The following PSMA1 variants were observed in gnomAD, a reference collection of about 807,000 sequenced individuals.
PSMA1 encodes the protein proteasome subunit alpha type-1.
PSMA1 carries 3 observed loss-of-function variants against 38.4 expected under a neutral mutation model. The ratio of observed to expected loss-of-function variants is 0.08; its 90% CI spans 0.04 to 0.20. PSMA1 has a LOEUF of 0.20. Ranked by LOEUF, PSMA1 falls within the 10% of genes least tolerant of loss-of-function variation. The pLI is 1.00. For synonymous variants in PSMA1, 101 were observed against 107.1 expected (o/e 0.94, Z 0.35); for missense variants, 227 against 325.3 (o/e 0.70, Z 2.32).
intron 2 of PSMA1, among the ~76,000 whole-genome samples, chr11:14,602,633 C>T (rs1852596698): frequency 6.6e-6 from 1 of 151,812 alleles, no homozygotes; most frequent in African/African-American, 2.4e-5. Context: ...TTGGAAGGTA[C>T]TAAAAATGGC....
chr11:14,552,929 C>T (rs1458680430), intron 2 of PSMA1, among the ~76,000 whole-genome samples: 1 of 150,370 alleles, frequency 6.7e-6, no homozygotes, highest in African/African-American at 2.4e-5. Flanking sequence ...TGGGCTCGAG[C>T]AATCCCTACA....
chr11:14,520,482 C>T (rs949366808), upstream of PSMA1: 3 of 1,471,852 alleles, frequency 2.0e-6, no homozygotes, highest in African/African-American at 1.4e-5. Context: ...TTAAAACTTT[C>T]CGACCGCTCG....
rs375243679 is a variant in PSMA1, at chr11:14,513,853, T to C, written c.378A>G (p.Arg126=). ...TQIPTQRYGR[R]PYGVGLLIAG... ...CAATAAGGAGACCAACACCATATGG[T>C]CTCCGGCCATATCGTTGTGTTGGTA... Residue 126 remains arginine, a synonymous_variant, in exon 6 of 10, where the codon AGA becomes AGG. Transcript: ENST00000396394. 1 of 1,602,988 alleles carries C rather than the reference T, an allele frequency of 6.2e-7. No individual in the cohort carries two copies. The highest frequency in any genetic ancestry group is 1.3e-5 in the African/African-American group (1 of 74,392).
rs571007876 is a variant in PSMA1, at chr11:14,516,477, G to A, written c.254+1165C>T. Reference sequence around the variant, plus strand: ...TAGAATTATAGGTAGGAGCCACTGTGCCAGGCCCACCCTTATAATTTATAT... The same window carrying A: ...TAGAATTATAGGTAGGAGCCACTGTACCAGGCCCACCCTTATAATTTATAT... On this transcript the variant is annotated intron_variant, in intron 4 of 9. Transcript: ENST00000396394. Among the ~76,000 whole-genome samples, 3 of 152,316 alleles carry A rather than the reference G, an allele frequency of 2.0e-5. No homozygotes were observed. In the East Asian group the frequency reaches 5.8e-4, roughly 29 times the overall value.
chr11:14,511,052 C>T, intron 7 of PSMA1, 101 bp from the exon 8 acceptor site: 1 of 700,398 alleles, frequency 1.4e-6, no homozygotes, highest in Non-Finnish European at 2.2e-6. Flanking sequence ...TTTAGTTACA[C>T]ACTAAATTTA....
intron 2 of PSMA1, among the ~76,000 whole-genome samples, chr11:14,601,014 G>A (rs1350006890): frequency 6.6e-6 from 1 of 152,114 alleles, no homozygotes; most frequent in Non-Finnish European, 1.5e-5. Context: ...AGAAATTAAA[G>A]TTTAGACAGG....
At chr11:14,594,290 C>T (rs1852457294) in intron 2 of PSMA1, among the ~76,000 whole-genome samples, 1 of 152,178 alleles carries the variant, frequency 6.6e-6, no homozygotes, top group Non-Finnish European at 1.5e-5. Context: ...ATATCCCCTC[C>T]ATATGTTCAC....
intron 8 of PSMA1, among the ~76,000 whole-genome samples, chr11:14,508,059 A>C (rs1396626265): frequency 1.3e-5 from 2 of 152,210 alleles, no homozygotes; most frequent in African/African-American, 4.8e-5. Flanking sequence ...ATTGATATTA[A>C]ACAATAATTA....
At chr11:14,599,318 T>C (rs1055013880) in intron 2 of PSMA1, among the ~76,000 whole-genome samples, 14 of 152,216 alleles carry the variant, frequency 9.2e-5, no homozygotes, top group Non-Finnish European at 1.6e-4. Flanking sequence ...TCCTGGATAA[T>C]ATCCTGAAGA....
At chr11:14,544,917 G>A (rs1189311101) in intron 2 of PSMA1, among the ~76,000 whole-genome samples, 1 of 152,162 alleles carries the variant, frequency 6.6e-6, no homozygotes, top group African/African-American at 2.4e-5. Context: ...AGCTAAGAAG[G>A]GGAAACAACC....
At chr11:14,596,300 T>C (rs965007030) in intron 2 of PSMA1, among the ~76,000 whole-genome samples, 1 of 152,234 alleles carries the variant, frequency 6.6e-6, no homozygotes, top group African/African-American at 2.4e-5. Context: ...GGTAGCTTGA[T>C]GGAGATGGCA....
At chr11:14,642,580 G>A (rs1853227084) in intron 1 of PSMA1, among the ~76,000 whole-genome samples, 1 of 152,162 alleles carries the variant, frequency 6.6e-6, no homozygotes, top group African/African-American at 2.4e-5. Flanking sequence ...TGAAAAATGG[G>A]CCTGTTTGTG....
chr11:14,622,430 A>G (rs1233195188), intron 1 of PSMA1, among the ~76,000 whole-genome samples: 1 of 152,226 alleles, frequency 6.6e-6, no homozygotes, highest in East Asian at 1.9e-4. Flanking sequence ...TGATGACATT[A>G]TGCTGATTGT....
intron 2 of PSMA1, among the ~76,000 whole-genome samples, chr11:14,591,489 C>T (rs1852414104): frequency 6.6e-6 from 1 of 152,210 alleles, no homozygotes; most frequent in Admixed American, 6.5e-5. Flanking sequence ...CACCTGCAGC[C>T]CCAGTGTGGG....
chr11:14,641,194 A>G (rs1853196176), intron 1 of PSMA1, among the ~76,000 whole-genome samples: 1 of 152,014 alleles, frequency 6.6e-6, no homozygotes, highest in African/African-American at 2.4e-5. Context: ...TAAAAAAAAA[A>G]AAGACGTGAG....
intron 2 of PSMA1, among the ~76,000 whole-genome samples, chr11:14,565,756 A>G (rs1015066503): frequency 6.6e-6 from 1 of 152,246 alleles, no homozygotes; most frequent in Admixed American, 6.5e-5. Context: ...AAATGTATAT[A>G]ATATGTTAGA....
At chr11:14,559,271 C>T (rs1851981589) in intron 2 of PSMA1, among the ~76,000 whole-genome samples, 1 of 152,008 alleles carries the variant, frequency 6.6e-6, no homozygotes, top group South Asian at 2.1e-4. Flanking sequence ...GTTGAAATCC[C>T]AATGGGAAGC....
chr11:14,509,295 T>C (rs1177215726), intron 8 of PSMA1, among the ~76,000 whole-genome samples: 1 of 152,088 alleles, frequency 6.6e-6, no homozygotes, highest in African/African-American at 2.4e-5. Context: ...TTGGAGACAT[T>C]CCCCCCTCAC....
intron 2 of PSMA1, among the ~76,000 whole-genome samples, chr11:14,558,211 G>C (rs2575845): frequency 0.14 from 19,572 of 137,760 alleles, 1,816 homozygotes; most frequent in African/African-American, 0.29. Flanking sequence ...ACAGGAGCTC[G>C]AGACTGGCCT....
Sources: allele counts gnomAD v4.1 joint callset (sites outside exome capture counted in the v4.1 genomes callset), GRCh38; gene constraint gnomAD v4.1.1; transcripts MANE v1.5; gene names NCBI Gene and HGNC (gene_info 2026-07-23, HGNC 2026-07-21).